The following ANKS1B variants were observed in gnomAD, a reference collection of about 807,000 sequenced individuals.
The protein encoded by ANKS1B is ankyrin repeat and sterile alpha motif domain containing 1B.
Under a neutral mutation model 148.3 loss-of-function variants are expected in ANKS1B, and 36 were observed. The ratio of observed to expected loss-of-function variants is 0.24; its 90% CI spans 0.19 to 0.32. ANKS1B has a LOEUF of 0.32. ANKS1B is among the 10% of genes least tolerant of loss of function. ANKS1B has a pLI of 1.00. For missense variants in ANKS1B, 1,157 were observed against 1,542.6 expected (o/e 0.75, Z 4.19); for synonymous variants, 542 against 560.8 (o/e 0.97, Z 0.47).
intron 1 of ANKS1B, among the ~76,000 whole-genome samples, chr12:99,962,900 G>A (rs923262260): frequency 1.9e-4 from 27 of 144,312 alleles, no homozygotes; most frequent in South Asian, 2.3e-4. Context: ...TGCCGGCTCC[G>A]CCTCCCGGGC....
chr12:98,811,341 C>T (rs2099093959), intron 19 of ANKS1B, among the ~76,000 whole-genome samples: 2 of 152,190 alleles, frequency 1.3e-5, no homozygotes, highest in South Asian at 4.1e-4. Context: ...TTCTGCACAT[C>T]CATGTGGCCC....
chr12:99,889,774 C>A (rs936435399), intron 1 of ANKS1B, among the ~76,000 whole-genome samples: 2 of 152,140 alleles, frequency 1.3e-5, no homozygotes, highest in African/African-American at 4.8e-5. Flanking sequence ...ATAGAATCTA[C>A]AATCTTTTTA....
chr12:99,454,345 A>C (rs1733710097), intron 10 of ANKS1B, among the ~76,000 whole-genome samples: 1 of 152,254 alleles, frequency 6.6e-6, no homozygotes, highest in Admixed American at 6.5e-5. Context: ...ACAAGGCTAT[A>C]GTCACTTTAA....
chr12:99,115,932 CA>C (rs60585792), intron 15 of ANKS1B, among the ~76,000 whole-genome samples: 2,429 of 65,030 alleles, frequency 0.037, 51 homozygotes, highest in African/African-American at 0.1. Context: ...GACTCCGTCT[CA>C]AAAAAAAAAA....
rs1424661060 is a variant in ANKS1B, at chr12:98,829,803, A to T, written c.2887-450T>A. On this transcript the variant is annotated intron_variant, in intron 18 of 26. Coordinates refer to ENST00000683438, the MANE Select transcript of ANKS1B (RefSeq NM_001352186.2). The surrounding 1 kb of genome is among the most constrained non-coding windows in gnomAD (Gnocchi z 5.2). ...GACAACAGGGTTGGGAAGAGGACAC[A>T]GTACGGCAACACAGCATGTCACACG... 1.3e-5 allele frequency among the ~76,000 whole-genome samples: 2 copies of T among 152,246 alleles called. No individual in the cohort carries two copies. The highest frequency in any genetic ancestry group is 4.8e-5 in the African/African-American group (2 of 41,468).
intron 17 of ANKS1B, among the ~76,000 whole-genome samples, chr12:98,871,612 AT>A (rs1277917746): frequency 3.3e-5 from 5 of 152,182 alleles, no homozygotes; most frequent in Non-Finnish European, 5.9e-5. Flanking sequence ...ATAAAAAGAC[AT>A]TTCAAAGTCT....
intron 9 of ANKS1B, among the ~76,000 whole-genome samples, chr12:99,608,624 T>G (rs1382113498): frequency 6.6e-6 from 1 of 151,774 alleles, no homozygotes; most frequent in Non-Finnish European, 1.5e-5. Flanking sequence ...GCCAAAGATA[T>G]CAGGGAGCTC....
intron 17 of ANKS1B, among the ~76,000 whole-genome samples, chr12:99,029,163 T>C (rs17364420): frequency 0.06 from 9,125 of 152,278 alleles, 397 homozygotes; most frequent in Non-Finnish European, 0.095. Flanking sequence ...TAACCAACGA[T>C]AGGTAATGAT....
chr12:99,829,327 C>G (rs143421875), intron 1 of ANKS1B, among the ~76,000 whole-genome samples: 1,996 of 151,660 alleles, frequency 0.013, 49 homozygotes, highest in African/African-American at 0.046. Context: ...CAAGCCTGGC[C>G]GACAAGGTGA....
chr12:99,219,032 T>C (rs962079440), intron 14 of ANKS1B, among the ~76,000 whole-genome samples: 2 of 152,184 alleles, frequency 1.3e-5, no homozygotes, highest in African/African-American at 2.4e-5. Flanking sequence ...ATCCACAATG[T>C]GGAGGTGTCC....
intron 12 of ANKS1B, among the ~76,000 whole-genome samples, chr12:99,329,160 G>A (rs971509640): frequency 6.6e-6 from 1 of 151,746 alleles, no homozygotes; most frequent in African/African-American, 2.4e-5. Flanking sequence ...TGGGGTATGA[G>A]GACAGAAAAA....
In ANKS1B at chr12:99,053,272, G is replaced by A. The variant is rs1397133366; in HGVS notation, c.2663C>T (p.Ser888Phe). The change falls in exon 17 of 27, where the codon TCT becomes TTT. Residue 888 changes from serine (S) to phenylalanine (F), a missense_variant. Transcript: ENST00000683438. Reference sequence around the variant, plus strand: ...AATGGAATCCAGCCACTCAGCTACAGAGGTGGGATGGTAGCCATCATGCCC... The same window carrying A: ...AATGGAATCCAGCCACTCAGCTACAAAGGTGGGATGGTAGCCATCATGCCC... ...PIGHDGYHPTSVAEWLDSIEL... is the reference protein window; with the variant it reads ...PIGHDGYHPTFVAEWLDSIEL... 2 of 1,611,318 alleles carry A rather than the reference G, an allele frequency of 1.2e-6. No homozygotes were observed. Among genetic ancestry groups the A allele is most frequent in the Non-Finnish European group, 8.5e-7 (1 of 1,178,756 alleles).
intron 1 of ANKS1B, among the ~76,000 whole-genome samples, chr12:99,835,248 CAA>C (rs1191460160): frequency 0.38 from 33,227 of 86,496 alleles, 3,474 homozygotes; most frequent in Non-Finnish European, 0.44. Flanking sequence ...CCCATCTCTA[CAA>C]AAAAAAAAAA....
chr12:99,172,468 G>A (rs565945190), intron 14 of ANKS1B, among the ~76,000 whole-genome samples: 1 of 152,256 alleles, frequency 6.6e-6, no homozygotes, highest in Admixed American at 6.5e-5. Context: ...ATTATTTTAG[G>A]AGACAGTCTT....
chr12:99,628,788 G>C (rs1377472829), intron 9 of ANKS1B, among the ~76,000 whole-genome samples: 2 of 152,074 alleles, frequency 1.3e-5, no homozygotes, highest in African/African-American at 4.8e-5. Flanking sequence ...AAGAGCAGAG[G>C]GAGCCAAACT....
At chr12:99,242,424 C>T (rs536899863) in intron 14 of ANKS1B, among the ~76,000 whole-genome samples, 12 of 152,282 alleles carry the variant, frequency 7.9e-5, no homozygotes, top group African/African-American at 2.9e-4. Context: ...ACATTCCATG[C>T]TCATGGATAA....
intron 8 of ANKS1B, among the ~76,000 whole-genome samples, chr12:99,762,907 C>G (rs979998682): frequency 1.3e-5 from 2 of 151,946 alleles, no homozygotes; most frequent in Admixed American, 1.3e-4. Flanking sequence ...CTCAACATTA[C>G]TAATCATTAG....
intron 9 of ANKS1B, among the ~76,000 whole-genome samples, chr12:99,514,436 A>G (rs2096795773): frequency 6.6e-6 from 1 of 152,114 alleles, no homozygotes; most frequent in Non-Finnish European, 1.5e-5. Flanking sequence ...CCACTGTGGG[A>G]AGAATTACAA....
chr12:98,847,503 C>CTAATG (rs1240039583), intron 17 of ANKS1B, among the ~76,000 whole-genome samples: 1 of 152,130 alleles, frequency 6.6e-6, no homozygotes, highest in Non-Finnish European at 1.5e-5. Flanking sequence ...CTTTATTCAT[C>CTAATG]TAATGATGGA....
Sources: allele counts gnomAD v4.1 joint callset (sites outside exome capture counted in the v4.1 genomes callset), GRCh38; gene constraint gnomAD v4.1.1; non-coding constraint Gnocchi (gnomAD v3.1); transcripts MANE v1.5; gene names NCBI Gene and HGNC (gene_info 2026-07-23, HGNC 2026-07-21).